The following FMN1 variants were observed in gnomAD, a reference collection of about 807,000 sequenced individuals.
FMN1 encodes formin 1.
FMN1 carries 110 observed loss-of-function variants against 132.4 expected under a neutral mutation model. The ratio of observed to expected loss-of-function variants is 0.83; its 90% CI spans 0.71 to 0.97. FMN1 has a LOEUF of 0.97. Among genes scored for constraint, FMN1 ranks in the 50% least tolerant of loss-of-function variants. FMN1 has a pLI of 0.00. For synonymous variants in FMN1, 722 were observed against 651.7 expected, an observed-to-expected ratio of 1.11 and a Z score of -1.64; for missense variants, 1,792 against 1,705.3, an observed-to-expected ratio of 1.05 and a Z score of -0.90.
chr15:33,052,822 C>T (rs1377747442), intron 6 of FMN1, among the ~76,000 whole-genome samples: 2 of 152,200 alleles, frequency 1.3e-5, no homozygotes, highest in Non-Finnish European at 2.9e-5. Context: ...TATACACCTA[C>T]CCTTTTCTAA....
intron 4 of FMN1, among the ~76,000 whole-genome samples, chr15:33,130,140 C>T (rs995475368): frequency 6.6e-6 from 1 of 152,140 alleles, no homozygotes; most frequent in Non-Finnish European, 1.5e-5. Flanking sequence ...CCTATTTTTT[C>T]ATTCTTGATC....
intron 2 of FMN1, among the ~76,000 whole-genome samples, chr15:33,187,480 T>C (rs999258974): frequency 5.9e-5 from 9 of 152,210 alleles, no homozygotes; most frequent in East Asian, 5.8e-4. Flanking sequence ...CAGGCCCTAC[T>C]TCCTGGCAGT....
At chr15:33,067,784 G>A in intron 5 of FMN1, 4 of 1,613,996 alleles carry the variant, frequency 2.5e-6, no homozygotes, top group Non-Finnish European at 3.4e-6. Context: ...GGATTTCATA[G>A]AGAACTTACT....
At chr15:32,786,783 G>C (rs557803149) in intron 19 of FMN1, among the ~76,000 whole-genome samples, 2 of 152,334 alleles carry the variant, frequency 1.3e-5, no homozygotes, top group South Asian at 2.1e-4. Flanking sequence ...TATGCTTTCA[G>C]AGGGATATGG....
intron 7 of FMN1, among the ~76,000 whole-genome samples, chr15:32,990,975 T>C (rs1472268169): frequency 6.6e-6 from 1 of 152,106 alleles, no homozygotes; most frequent in Non-Finnish European, 1.5e-5. Context: ...TTATGGGAAC[T>C]GCAATTCGAG....
intron 4 of FMN1, chr15:33,150,716 C>T (rs1385367715): frequency 1.0e-6 from 1 of 985,354 alleles, no homozygotes; most frequent in Non-Finnish European, 1.2e-6. Flanking sequence ...GACTTAATCT[C>T]TTTCTTAAGC....
intron 10 of FMN1, among the ~76,000 whole-genome samples, chr15:32,912,398 A>G (rs761958282): frequency 5.9e-5 from 9 of 152,232 alleles, no homozygotes; most frequent in Non-Finnish European, 1.2e-4. Flanking sequence ...CAGCCCTTGA[A>G]TAAGTATTTG....
chr15:32,791,674 CA>C (rs2057084322), intron 19 of FMN1, among the ~76,000 whole-genome samples: 1 of 152,098 alleles, frequency 6.6e-6, no homozygotes, highest in Admixed American at 6.5e-5. Context: ...GGGTAAAGAA[CA>C]ATCACCATTA....
chr15:33,017,109 G>A (rs957996600), intron 6 of FMN1, among the ~76,000 whole-genome samples: 27 of 151,562 alleles, frequency 1.8e-4, no homozygotes, highest in Admixed American at 5.9e-4. Flanking sequence ...AAAAGGATGA[G>A]GCCGTACCCT....
chr15:33,127,929 A>G (rs202112978), intron 4 of FMN1, among the ~76,000 whole-genome samples: 1 of 149,360 alleles, frequency 6.7e-6, no homozygotes, highest in Non-Finnish European at 1.5e-5. Flanking sequence ...TGGAAATAGA[A>G]GAAGAGGCAG....
chr15:32,971,035 C>A (rs1171301492), intron 7 of FMN1, among the ~76,000 whole-genome samples: 1 of 152,212 alleles, frequency 6.6e-6, no homozygotes, highest in Non-Finnish European at 1.5e-5. Context: ...ACTCACACCA[C>A]CTGGTTCACG....
intron 4 of FMN1, among the ~76,000 whole-genome samples, chr15:33,102,897 T>C (rs533204237): frequency 5.6e-4 from 85 of 152,152 alleles, no homozygotes; most frequent in Non-Finnish European, 1.0e-3. Context: ...CCTTCTCTGA[T>C]ATTCCTGTTT....
In FMN1 at chr15:32,899,862, A is replaced by G. The variant is rs575296318; in HGVS notation, c.3654+117T>C. On this transcript the variant is annotated intron_variant, in intron 14 of 20. Transcript: ENST00000616417. ...CAAAAAAATGCATGCTCTAATATAA[A>G]TGTTGTTAAGGGGAGGATAGAGATA... The G allele has an allele frequency of 3.4e-4, 344 of 1,000,700 alleles. 2 individuals are homozygous for G. In the South Asian group the frequency reaches 5.2e-3, roughly 15 times the overall value. 62.0% of individuals were successfully genotyped at this position (1,000,700 alleles called of 1,614,324 possible). A position where few individuals can be genotyped will look rare whatever the true frequency, so the allele number is the denominator to read the frequency against.
chr15:32,810,444 C>A (rs1308121469), intron 17 of FMN1, among the ~76,000 whole-genome samples: 1 of 152,198 alleles, frequency 6.6e-6, no homozygotes, highest in East Asian at 1.9e-4. Flanking sequence ...GCACAAACAG[C>A]ACTAACACTA....
chr15:32,834,582 C>G (rs1192039221), intron 17 of FMN1, among the ~76,000 whole-genome samples: 1 of 152,192 alleles, frequency 6.6e-6, no homozygotes, highest in East Asian at 1.9e-4. Context: ...CATCCAAGCT[C>G]TGTTCATCTA....
intron 6 of FMN1, among the ~76,000 whole-genome samples, chr15:33,056,701 A>C (rs1375288010): frequency 6.6e-6 from 1 of 152,232 alleles, no homozygotes; most frequent in Admixed American, 6.5e-5. Context: ...GAACAACATC[A>C]GTGTCCACCA....
chr15:32,966,255 G>C (rs1175656953), intron 8 of FMN1, among the ~76,000 whole-genome samples: 1 of 151,812 alleles, frequency 6.6e-6, no homozygotes, highest in Non-Finnish European at 1.5e-5. Context: ...ATTGGCTTTG[G>C]GAGTCAACCG....
chr15:33,097,963 T>G (rs1201893459), intron 4 of FMN1, among the ~76,000 whole-genome samples: 1 of 152,164 alleles, frequency 6.6e-6, no homozygotes, highest in East Asian at 1.9e-4. Context: ...TTTTTGCAAG[T>G]ACATATGGAA....
intron 4 of FMN1, among the ~76,000 whole-genome samples, chr15:33,119,925 T>C (rs1323691079): frequency 6.6e-6 from 1 of 152,212 alleles, no homozygotes; most frequent in African/African-American, 2.4e-5. Flanking sequence ...ATATTGTGTC[T>C]TCTATCTAAA....
Sources: gnomAD v4.1 joint callset for allele counts (sites outside exome capture counted in the v4.1 genomes callset) on GRCh38, gnomAD v4.1.1 for gene constraint, MANE v1.5 for transcripts, NCBI Gene and HGNC (gene_info 2026-07-23, HGNC 2026-07-21) for gene names.